The following ZFHX3 variants were observed in gnomAD, a reference collection of about 807,000 sequenced individuals.
ZFHX3 encodes zinc finger homeobox protein 3.
A neutral mutation model predicts 279.1 loss-of-function variants in ZFHX3; 42 were observed. The observed-to-expected ratio is 0.15, with a 90% CI of 0.12 to 0.19. The LOEUF (loss-of-function observed/expected upper bound fraction) is 0.19, where lower values mean the gene tolerates loss of function less well. Ranked by LOEUF, ZFHX3 falls within the 10% of genes least tolerant of loss-of-function variation. The probability of loss-of-function intolerance (pLI) is 1.00; values close to 1 mark genes in which losing one functional copy is unlikely to be tolerated. For synonymous variants in ZFHX3, 2,293 were observed against 1,957.8 expected, an observed-to-expected ratio of 1.17 and a Z score of -4.52; for missense variants, 4,981 against 4,754.0, an observed-to-expected ratio of 1.05 and a Z score of -1.40.
intron 2 of ZFHX3, among the ~76,000 whole-genome samples, chr16:73,465,758 C>T (rs532302298): frequency 1.3e-5 from 2 of 152,316 alleles, no homozygotes; most frequent in Admixed American, 1.3e-4. Flanking sequence ...GTTCTTCTCT[C>T]CTTTCTTGGC....
intron 5 of ZFHX3, among the ~76,000 whole-genome samples, chr16:73,192,120 C>G (rs1968052269): frequency 6.6e-6 from 1 of 152,130 alleles, no homozygotes; most frequent in Non-Finnish European, 1.5e-5. Flanking sequence ...CTCCCTGGCA[C>G]TAGCACATGA....
chr16:72,931,480 G>A (rs912090299), intron 3 of ZFHX3, among the ~76,000 whole-genome samples: 3 of 149,776 alleles, frequency 2.0e-5, no homozygotes, highest in Non-Finnish European at 4.4e-5. Flanking sequence ...AAAGAGGTCG[G>A]GGGAAGGGAG....
chr16:73,416,669 C>G (rs924025923), intron 3 of ZFHX3, among the ~76,000 whole-genome samples: 5 of 151,996 alleles, frequency 3.3e-5, no homozygotes, highest in South Asian at 2.1e-4. Flanking sequence ...GTCAGGAGAT[C>G]GAGACCATCC....
intron 2 of ZFHX3, among the ~76,000 whole-genome samples, chr16:72,953,957 C>T (rs994067871): frequency 6.6e-6 from 1 of 152,200 alleles, no homozygotes; most frequent in African/African-American, 2.4e-5. Flanking sequence ...AAACTCCCTT[C>T]GAGAACTATG....
intron 4 of ZFHX3, among the ~76,000 whole-genome samples, chr16:73,258,490 CA>C (rs754641209): frequency 5.3e-5 from 8 of 151,980 alleles, no homozygotes; most frequent in Non-Finnish European, 1.2e-4. Flanking sequence ...ACTGGGACTA[CA>C]GGCGCCCACC....
intron 7 of ZFHX3, among the ~76,000 whole-genome samples, chr16:72,805,289 A>T (rs940086848): frequency 1.3e-5 from 2 of 151,970 alleles, no homozygotes; most frequent in African/African-American, 2.4e-5. Context: ...GCCAGCAGAG[A>T]TATTTTCTTA....
chr16:73,348,552 T>C (rs2016163504), intron 3 of ZFHX3, among the ~76,000 whole-genome samples: 4 of 152,240 alleles, frequency 2.6e-5, no homozygotes, highest in African/African-American at 9.6e-5. Flanking sequence ...TTTCTACTGA[T>C]GGGCTTCACC....
chr16:73,834,513 G>T (rs921699311), intron 1 of ZFHX3, among the ~76,000 whole-genome samples: 1 of 152,194 alleles, frequency 6.6e-6, no homozygotes, highest in Non-Finnish European at 1.5e-5. Flanking sequence ...TTACTGATCA[G>T]TTAAATCTGC....
intron 5 of ZFHX3, among the ~76,000 whole-genome samples, chr16:73,148,555 C>CTTTTTTTT (rs36018349): frequency 1.6e-4 from 9 of 55,416 alleles, no homozygotes; most frequent in Admixed American, 3.1e-4. Flanking sequence ...AAATGCTGGG[C>CTTTTTTTT]TTTTTTTTTT....
At chr16:72,984,842 T>C (rs889865553) in intron 1 of ZFHX3, among the ~76,000 whole-genome samples, 6 of 152,140 alleles carry the variant, frequency 3.9e-5, no homozygotes, top group African/African-American at 1.4e-4. Flanking sequence ...ACATATAAAA[T>C]TTATATGCAT....
intron 5 of ZFHX3, among the ~76,000 whole-genome samples, chr16:73,231,368 C>G (rs1178945025): frequency 6.6e-6 from 1 of 152,170 alleles, no homozygotes; most frequent in Non-Finnish European, 1.5e-5. Context: ...AGGGCAAGTG[C>G]AATTCAGGGA....
intron 2 of ZFHX3, among the ~76,000 whole-genome samples, chr16:73,529,905 G>A (rs1290895423): frequency 1.3e-5 from 2 of 149,156 alleles, no homozygotes. Context: ...CCCCACATGT[G>A]CAAAATTCAG....
At chr16:73,309,707 A>G (rs1417620368) in intron 4 of ZFHX3, among the ~76,000 whole-genome samples, 1 of 152,192 alleles carries the variant, frequency 6.6e-6, no homozygotes, top group Non-Finnish European at 1.5e-5. Context: ...ACTCTCAGGA[A>G]CTTAGAGAAG....
At chr16:73,149,379 C>T (rs988272675) in intron 5 of ZFHX3, among the ~76,000 whole-genome samples, 1 of 151,536 alleles carries the variant, frequency 6.6e-6, no homozygotes, top group South Asian at 2.1e-4. Context: ...ACATGTGGGG[C>T]CTTCATTCAT....
At chr16:73,449,898 C>T (rs955228796) in intron 3 of ZFHX3, among the ~76,000 whole-genome samples, 1 of 151,770 alleles carries the variant, frequency 6.6e-6, no homozygotes, top group Non-Finnish European at 1.5e-5. Flanking sequence ...AAAATGTTTT[C>T]TTCTGAGGAT....
chr16:73,726,434 C>A (rs558980568), intron 1 of ZFHX3, among the ~76,000 whole-genome samples: 1 of 152,298 alleles, frequency 6.6e-6, no homozygotes, highest in Admixed American at 6.5e-5. Flanking sequence ...CATGCCTTTG[C>A]TGTGGGGATT....
intron 2 of ZFHX3, among the ~76,000 whole-genome samples, chr16:73,568,548 A>C (rs894481762): frequency 1.3e-5 from 2 of 152,182 alleles, no homozygotes; most frequent in Non-Finnish European, 2.9e-5. Flanking sequence ...TGATGAAATC[A>C]ACCCGTGTGG....
In ZFHX3 at chr16:72,795,221, C is replaced by G. The variant is rs150337976; in HGVS notation, c.7461G>C (p.Ala2487=). The change falls in exon 9 of 10, where the codon GCG becomes GCC. Residue 2487 remains alanine (A), a synonymous_variant. Coordinates refer to ENST00000268489, the MANE Select transcript of ZFHX3 (RefSeq NM_006885.4). ...GGGGTAAGGGGCACTGTGGAGGGGG[C>G]GCTTGTGGAGGAGGCTGTGGCAACG... ...LPSLPQPPPQ[A]PPPQCPLPQS... is the part of the protein sequence containing the mutation. 6.2e-7 allele frequency: 1 copy of G among 1,606,404 alleles called. No homozygotes were observed. Among genetic ancestry groups the G allele is most frequent in the South Asian group, 1.1e-5 (1 of 89,834 alleles).
At chr16:73,521,584 C>T (rs181321676) in intron 2 of ZFHX3, among the ~76,000 whole-genome samples, 12 of 152,068 alleles carry the variant, frequency 7.9e-5, no homozygotes, top group African/African-American at 1.4e-4. Context: ...CTCTCCTTTT[C>T]GCCGGTGGCT....
Sources: allele counts gnomAD v4.1 joint callset (sites outside exome capture counted in the v4.1 genomes callset), GRCh38; gene constraint gnomAD v4.1.1; transcripts MANE v1.5; gene names NCBI Gene and HGNC (gene_info 2026-07-23, HGNC 2026-07-21).